Variants in FAM221A observed in about 807,000 individuals in gnomAD.
The protein encoded by FAM221A is family with sequence similarity 221 member A, also known as protein FAM221A.
FAM221A carries 43 observed loss-of-function variants against 37.6 expected under a neutral mutation model. The observed-to-expected ratio is 1.15, with a 90% CI of 0.90 to 1.48. The LOEUF (loss-of-function observed/expected upper bound fraction) is 1.48, where lower values mean the gene tolerates loss of function less well. Among genes scored for constraint, FAM221A ranks in the 40% most tolerant of loss-of-function variants. FAM221A has a pLI of 0.00. For synonymous variants in FAM221A, 135 were observed against 132.9 expected, an observed-to-expected ratio of 1.02 and a Z score of -0.11; for missense variants, 361 against 361.5, an observed-to-expected ratio of 1.00 and a Z score of 0.01.
downstream of FAM221A, chr7:23,703,014 A>G (rs1785545585): frequency 6.6e-6 from 1 of 152,164 alleles, no homozygotes; most frequent in Non-Finnish European, 1.5e-5. Context: ...GCCACTCTTG[A>G]TTAATGGGAG....
chr7:23,680,374 C>G (rs1049402019), intron 1 of FAM221A, 91 bp downstream of exon 1: 4 of 1,014,198 alleles, frequency 3.9e-6, no homozygotes, highest in Non-Finnish European at 5.7e-6. Flanking sequence ...GGCGGGCGTC[C>G]GCGGGGGTTC....
intron 1 of FAM221A, among the ~76,000 whole-genome samples, chr7:23,680,510 C>G (rs1461986529): frequency 6.6e-6 from 1 of 152,170 alleles, no homozygotes; most frequent in Non-Finnish European, 1.5e-5. Flanking sequence ...ATTTAAGAGG[C>G]CCCTCTGCTC....
intron 4 of FAM221A, among the ~76,000 whole-genome samples, chr7:23,696,870 T>A (rs1354762838): frequency 6.6e-6 from 1 of 152,202 alleles, no homozygotes; most frequent in East Asian, 1.9e-4. Context: ...GGAATTTGGT[T>A]CCTTTTTGAT....
At chr7:23,691,734 A>C in intron 4 of FAM221A, 138 bp downstream of exon 4, 1 of 801,300 alleles carries the variant, frequency 1.2e-6, no homozygotes, top group South Asian at 2.1e-5. Flanking sequence ...TTATTTTTTA[A>C]AAGAGGTTTT....
intron 5 of FAM221A, among the ~76,000 whole-genome samples, chr7:23,699,115 ATTTTT>A (rs1185698578): frequency 2.3e-5 from 3 of 133,276 alleles, no homozygotes; most frequent in Non-Finnish European, 4.8e-5. Context: ...CAATGCTGGA[ATTTTT>A]TTTTTTTTTT....
chr7:23,691,444 C>T lies in FAM221A; in HGVS notation c.485C>T (p.Ala162Val). ...SCFTCACGQP[A>V]YAHDTVVETK... The stretch of plus-strand genomic sequence containing the variant: ...TTCACTTGTGCTTGTGGTCAGCCTG[C>T]ATATGCCCATGACACAGTAGTGGAA... Residue 162 changes from alanine to valine, a missense_variant, in exon 4 of 7, where the codon GCA (alanine) becomes GTA (valine). Coordinates refer to ENST00000344962, the MANE Select transcript of FAM221A (RefSeq NM_199136.5). 6.2e-7 allele frequency: 1 copy of T among 1,614,206 alleles called. No homozygotes were observed. Among genetic ancestry groups the T allele is most frequent in the East Asian group, 2.2e-5 (1 of 44,886 alleles).
chr7:23,691,303 T>G, intron 3 of FAM221A, 87 bp from the exon 4 acceptor site: 1 of 1,261,574 alleles, frequency 7.9e-7, no homozygotes, highest in Admixed American at 1.7e-5. Flanking sequence ...AGGATCTAGG[T>G]TCAGCTGGCT....
chr7:23,689,880 C>T (rs919603204), intron 3 of FAM221A, among the ~76,000 whole-genome samples: 1 of 152,028 alleles, frequency 6.6e-6, no homozygotes, highest in Non-Finnish European at 1.5e-5. Flanking sequence ...ATAGCATGAT[C>T]ATTTTAATGC....
chr7:23,690,200 T>TATATATATATA (rs1491098232), intron 3 of FAM221A, among the ~76,000 whole-genome samples: 215 of 18,530 alleles, frequency 0.012, 1 homozygote, highest in South Asian at 0.028. Flanking sequence ...TATATATATA[T>TATATATATATA]TTTTTTTTTT....
intron 6 of FAM221A, among the ~76,000 whole-genome samples, chr7:23,701,279 G>A (rs1289635221): frequency 1.6e-5 from 2 of 125,138 alleles, no homozygotes; most frequent in Non-Finnish European, 3.1e-5. Flanking sequence ...TTGGTCTGTC[G>A]CCCAGGCTGG....
At chr7:23,688,539 A>C (rs1007386637) in intron 2 of FAM221A, 6 of 151,948 alleles carry the variant, frequency 3.9e-5, no homozygotes, top group African/African-American at 1.4e-4. Flanking sequence ...ACATCAACAC[A>C]TGTTTATTGA....
chr7:23,681,769 G>T (rs1164991194), intron 1 of FAM221A, among the ~76,000 whole-genome samples: 1 of 152,140 alleles, frequency 6.6e-6, no homozygotes. Flanking sequence ...AGATTATCAG[G>T]TCCTTTACTG....
At chr7:23,682,436 A>AT (rs1255822217) in intron 1 of FAM221A, among the ~76,000 whole-genome samples, 9,978 of 75,056 alleles carry the variant, frequency 0.13, 490 homozygotes, top group Middle Eastern at 0.17. Flanking sequence ...TATTATTATT[A>AT]TTATTTTTTT....
rs1412434811 is a variant in FAM221A at position 23,698,276 on chromosome 7, C to T, written c.722C>T (p.Ser241Phe). The T allele has an allele frequency of 2.5e-6, 4 of 1,576,952 alleles. No homozygotes were observed. Among genetic ancestry groups the T allele is most frequent in the Non-Finnish European group, 3.5e-6 (4 of 1,156,134 alleles). Residue 241 changes from serine (S) to phenylalanine (F), a missense_variant, in exon 5 of 7, where the codon TCT (serine) becomes TTT (phenylalanine). By Grantham distance (155) the Ser-to-Phe change is radical (BLOSUM62 -2). Coordinates refer to ENST00000344962, the MANE Select transcript of FAM221A (RefSeq NM_199136.5). ...FLKAFQASSS[S>F]SPETLTDVGT... Reference sequence around the variant, plus strand: ...AAAGCATTTCAAGCATCATCTAGTTCTTCTCCAGAAACGTTAACAGATGGT... The same window carrying T: ...AAAGCATTTCAAGCATCATCTAGTTTTTCTCCAGAAACGTTAACAGATGGT...
At chr7:23,680,320 C>T in intron 1 of FAM221A, 37 bp downstream of exon 1, 1 of 1,504,262 alleles carries the variant, frequency 6.6e-7, no homozygotes, top group Non-Finnish European at 8.9e-7. Context: ...CCCCGCCGCT[C>T]CGAGGGGCCA....
At chr7:23,696,338 G>A (rs553510445) in intron 4 of FAM221A, among the ~76,000 whole-genome samples, 125 of 152,280 alleles carry the variant, frequency 8.2e-4, no homozygotes, top group East Asian at 2.9e-3. Context: ...CAGGCAGATC[G>A]CTTGAGCCCA....
intron 5 of FAM221A, 61 bp downstream of exon 5, chr7:23,698,360 T>C: frequency 2.3e-6 from 2 of 875,068 alleles, no homozygotes; most frequent in Non-Finnish European, 3.6e-6. Context: ...GGAGCTTTGA[T>C]TTGTTTTCTA....
intron 4 of FAM221A, chr7:23,692,905 C>A: frequency 9.0e-6 from 2 of 221,478 alleles, no homozygotes; most frequent in Non-Finnish European, 1.5e-5. Flanking sequence ...TGGGTTCAAG[C>A]GATCCTCCAG....
At chr7:23,681,475 A>G (rs1011335102) in intron 1 of FAM221A, among the ~76,000 whole-genome samples, 10 of 152,204 alleles carry the variant, frequency 6.6e-5, no homozygotes, top group African/African-American at 2.2e-4. Flanking sequence ...GCTGGAGTGC[A>G]GTGGCGCGAT....
Sources: gnomAD v4.1 joint callset for allele counts (sites outside exome capture counted in the v4.1 genomes callset) on GRCh38, gnomAD v4.1.1 for gene constraint, MANE v1.5 for transcripts, NCBI Gene and HGNC (gene_info 2026-07-23, HGNC 2026-07-21) for gene names.